Variants in MPP7 observed in about 807,000 individuals in gnomAD.
MPP7 encodes the protein MAGUK p55 subfamily member 7.
In MPP7, 60 loss-of-function variants were observed where a neutral mutation model predicts 76.5. The ratio of observed to expected loss-of-function variants is 0.78; its 90% CI spans 0.64 to 0.97. MPP7 has a LOEUF of 0.97. MPP7 is among the 50% of genes least tolerant of loss of function. The pLI is 0.00. For synonymous variants in MPP7, 237 were observed against 244.5 expected (o/e 0.97, Z 0.29); for missense variants, 641 against 694.0 (o/e 0.92, Z 0.86).
At chr10:28,195,414 T>C (rs1041812294) in intron 3 of MPP7, among the ~76,000 whole-genome samples, 1 of 152,160 alleles carries the variant, frequency 6.6e-6, no homozygotes, top group African/African-American at 2.4e-5. Flanking sequence ...AGTGAAAATA[T>C]ACATCTATGC....
intron 11 of MPP7, among the ~76,000 whole-genome samples, chr10:28,105,854 C>T (rs1283444962): frequency 6.6e-6 from 1 of 152,150 alleles, no homozygotes; most frequent in Non-Finnish European, 1.5e-5. Context: ...GCCTATTTTG[C>T]ACAAACCTTT....
chr10:28,155,313 A>G (rs189260341), intron 3 of MPP7, among the ~76,000 whole-genome samples: 48 of 152,264 alleles, frequency 3.2e-4, no homozygotes, highest in Non-Finnish European at 5.3e-4. Flanking sequence ...TTAAAGGCCA[A>G]GTGCGGTGGC....
intron 3 of MPP7, among the ~76,000 whole-genome samples, chr10:28,190,627 T>C (rs61843021): frequency 0.067 from 10,255 of 152,140 alleles, 386 homozygotes; most frequent in Middle Eastern, 0.12. Context: ...GAAATGAAAA[T>C]ACAACTTACT....
chr10:28,117,411 C>A (rs566822746), intron 11 of MPP7, among the ~76,000 whole-genome samples: 1 of 152,064 alleles, frequency 6.6e-6, no homozygotes, highest in Admixed American at 6.5e-5. Context: ...TTTTTTACAA[C>A]CCTATTCTAT....
chr10:28,088,872 T>C (rs564213795), intron 12 of MPP7, among the ~76,000 whole-genome samples: 1 of 152,162 alleles, frequency 6.6e-6, no homozygotes, highest in South Asian at 2.1e-4. Context: ...CCACATTCCT[T>C]TATTAACTGC....
intron 15 of MPP7, 47 bp downstream of exon 15, chr10:28,058,448 A>G: frequency 9.9e-7 from 1 of 1,007,608 alleles, no homozygotes; most frequent in Non-Finnish European, 1.5e-6. Flanking sequence ...GAGGTGCTGT[A>G]GATGACATGG....
rs533859509 is a variant in MPP7, at chr10:28,334,044, C to T, written c.-206+374G>A. On this transcript the variant is annotated intron_variant, in intron 1 of 11. Transcript: ENST00000441595. The stretch of plus-strand genomic sequence containing the variant: ...CTTGTCTCTAGTAAAACAAAAAATA[C>T]GAAAAAATTAGCCAGGCATTGTGTC... 2.2e-3 allele frequency among the ~76,000 whole-genome samples: 338 copies of T among 151,818 alleles called. 1 individual carries two copies. The highest frequency in any genetic ancestry group is 3.1e-3 in the Non-Finnish European group (209 of 67,878).
At chr10:28,262,265 A>ATATG (rs1840010438) in intron 1 of MPP7, among the ~76,000 whole-genome samples, 1 of 52,040 alleles carries the variant, frequency 1.9e-5, no homozygotes, top group Non-Finnish European at 3.4e-5. Context: ...ATATGTATAT[A>ATATG]TATATATATA....
intron 1 of MPP7, among the ~76,000 whole-genome samples, chr10:28,257,305 C>G (rs1249848035): frequency 2.0e-5 from 3 of 151,990 alleles, no homozygotes; most frequent in African/African-American, 7.3e-5. Flanking sequence ...GTATGTCTTC[C>G]TTATATTCTT....
chr10:28,089,951 T>A (rs1389824565), intron 11 of MPP7, 110 bp from the exon 12 acceptor site: 1 of 651,790 alleles, frequency 1.5e-6, no homozygotes, highest in Non-Finnish European at 2.5e-6. Flanking sequence ...TAATATTGGG[T>A]TTTTAAAGTT....
chr10:28,060,652 G>A (rs1427641854), intron 13 of MPP7, among the ~76,000 whole-genome samples: 1 of 152,190 alleles, frequency 6.6e-6, no homozygotes, highest in Non-Finnish European at 1.5e-5. Flanking sequence ...AAGCCCTAAC[G>A]TTCTGGTGCA....
chr10:28,269,959 G>A (rs1840268571), intron 1 of MPP7, among the ~76,000 whole-genome samples: 1 of 152,190 alleles, frequency 6.6e-6, no homozygotes, highest in Admixed American at 6.5e-5. Flanking sequence ...GTTAGGGAAT[G>A]TGGAGTCTAG....
chr10:28,213,160 A>G (rs1838198285), intron 2 of MPP7, among the ~76,000 whole-genome samples: 1 of 152,060 alleles, frequency 6.6e-6, no homozygotes, highest in African/African-American at 2.4e-5. Context: ...GGCTGGTCTC[A>G]AACGCCTAAA....
At position 28,089,845 on chromosome 10, in the gene MPP7, C is replaced by T; in HGVS notation, c.953-4G>A. On this transcript the variant is annotated splice_polypyrimidine_tract_variant and splice_region_variant and intron_variant, in intron 11 of 16. Coordinates refer to ENST00000683449, the MANE Select transcript of MPP7 (RefSeq NM_001318170.2). ...CGAAAACTTTTTCTAAAACCAGCTG[C>T]AAATATTAAAATAAATATATTTTTA... 1 of 1,355,818 alleles carries T rather than the reference C, an allele frequency of 7.4e-7. No homozygotes were observed. The highest frequency in any genetic ancestry group is 1.4e-5 in the South Asian group (1 of 73,638). 84.0% of individuals were successfully genotyped at this position (1,355,818 alleles called of 1,614,324 possible).
At chr10:28,128,546 G>A (rs553151955) in intron 6 of MPP7, among the ~76,000 whole-genome samples, 2 of 152,226 alleles carry the variant, frequency 1.3e-5, no homozygotes, top group Non-Finnish European at 2.9e-5. Flanking sequence ...CTATATTATT[G>A]GTGGAGTCTA....
intron 1 of MPP7, among the ~76,000 whole-genome samples, chr10:28,245,494 A>G (rs1839404219): frequency 6.6e-6 from 1 of 152,146 alleles, no homozygotes; most frequent in African/African-American, 2.4e-5. Context: ...TAACAATGAG[A>G]GCACAGATTT....
chr10:28,065,608 C>A (rs1162430179), intron 13 of MPP7, among the ~76,000 whole-genome samples: 11 of 152,056 alleles, frequency 7.2e-5, no homozygotes. Flanking sequence ...CCAGTTAAGG[C>A]AAAATAGAAA....
chr10:28,124,982 T>C, intron 7 of MPP7, 28 bp downstream of exon 7: 2 of 1,590,968 alleles, frequency 1.3e-6, no homozygotes, highest in Non-Finnish European at 1.7e-6. Flanking sequence ...GTGATTAGTC[T>C]GTACTTGGTT....
At chr10:28,069,561 G>A (rs948820764) in intron 13 of MPP7, among the ~76,000 whole-genome samples, 1 of 148,742 alleles carries the variant, frequency 6.7e-6, no homozygotes, top group South Asian at 2.1e-4. Flanking sequence ...CTGAGATTGC[G>A]CCACTGCACT....
Sources: gnomAD v4.1 joint callset for allele counts (sites outside exome capture counted in the v4.1 genomes callset) on GRCh38, gnomAD v4.1.1 for gene constraint, MANE v1.5 for transcripts, NCBI Gene and HGNC (gene_info 2026-07-23, HGNC 2026-07-21) for gene names.